MSRA: variants seen among roughly 807,000 people sequenced by gnomAD.
The protein encoded by MSRA is mitochondrial peptide methionine sulfoxide reductase.
A neutral mutation model predicts 31.3 loss-of-function variants in MSRA; 54 were observed. The ratio of observed to expected loss-of-function variants is 1.73; its 90% CI spans 1.39 to 2.17. The LOEUF (loss-of-function observed/expected upper bound fraction) is 2.17. Among genes scored for constraint, MSRA ranks in the 30% most tolerant of loss-of-function variants. The pLI, the probability that MSRA is intolerant of heterozygous loss-of-function variation, is 0.00. For synonymous variants in MSRA, 169 were observed against 116.5 expected (o/e 1.45, Z -2.90); for missense variants, 507 against 300.9 (o/e 1.69, Z -5.07).
At chr8:10,089,305 A>G (rs2128926676) in intron 1 of MSRA, among the ~76,000 whole-genome samples, 1 of 152,352 alleles carries the variant, frequency 6.6e-6, no homozygotes, top group Non-Finnish European at 1.5e-5. Context: ...GCCTTAAAAG[A>G]ACAAAAGAAC....
intron 1 of MSRA, among the ~76,000 whole-genome samples, chr8:10,182,865 C>T (rs1469687096): frequency 6.6e-6 from 1 of 152,166 alleles, no homozygotes; most frequent in Non-Finnish European, 1.5e-5. Context: ...TCAGTGTTGC[C>T]ATGTTCTATT....
chr8:10,359,451 G>C (rs1804708502), intron 5 of MSRA, among the ~76,000 whole-genome samples: 1 of 151,982 alleles, frequency 6.6e-6, no homozygotes, highest in East Asian at 1.9e-4. Flanking sequence ...AAGGCCTTTA[G>C]TTCATTTTAA....
At chr8:10,126,145 G>A (rs1801480844) in intron 1 of MSRA, among the ~76,000 whole-genome samples, 2 of 152,156 alleles carry the variant, frequency 1.3e-5, no homozygotes, top group East Asian at 3.9e-4. Flanking sequence ...TTAATACATT[G>A]TAACTAACAC....
chr8:10,366,627 C>T (rs1420803029), intron 5 of MSRA, among the ~76,000 whole-genome samples: 1 of 152,210 alleles, frequency 6.6e-6, no homozygotes, highest in East Asian at 1.9e-4. Flanking sequence ...CCCCCAGCAC[C>T]ATCCCTGCTC....
intron 5 of MSRA, among the ~76,000 whole-genome samples, chr8:10,388,589 A>C (rs868150801): frequency 6.6e-6 from 1 of 152,154 alleles, no homozygotes; most frequent in African/African-American, 2.4e-5. Flanking sequence ...TCTGATGCTA[A>C]ACCTGAAGCT....
intron 2 of MSRA, among the ~76,000 whole-genome samples, chr8:10,238,610 A>T (rs994200186): frequency 6.6e-6 from 1 of 152,340 alleles, no homozygotes; most frequent in South Asian, 2.1e-4. Context: ...CAGAAACGGG[A>T]CTACTTACAA....
intron 5 of MSRA, among the ~76,000 whole-genome samples, chr8:10,323,947 C>T (rs1315608923): frequency 6.6e-6 from 1 of 152,196 alleles, no homozygotes; most frequent in Non-Finnish European, 1.5e-5. Flanking sequence ...GGGACAAATG[C>T]TGTCATATCT....
chr8:10,237,057 T>C (rs1812005205), intron 2 of MSRA, among the ~76,000 whole-genome samples: 1 of 152,182 alleles, frequency 6.6e-6, no homozygotes, highest in African/African-American at 2.4e-5. Context: ...GGCTCTAGAA[T>C]AAAATATGAG....
Position 10,238,069 on chromosome 8 carries a change from A to C in MSRA, c.212-7035A>C, listed in dbSNP as rs999446884. ...TAACCATCCCACAAGGTCCTACACTATCTGGCTTATCTGATCTTTGTCCTG... is the reference window on the plus strand; with the variant it reads ...TAACCATCCCACAAGGTCCTACACTCTCTGGCTTATCTGATCTTTGTCCTG... On this transcript the variant is annotated intron_variant, in intron 2 of 5. Coordinates refer to ENST00000317173, the MANE Select transcript of MSRA (RefSeq NM_012331.5). Among the ~76,000 whole-genome samples the C allele has an allele frequency of 4.6e-5, 7 of 152,186 alleles. 1 individual carries two copies. The highest frequency in any genetic ancestry group is 7.3e-5 in the Non-Finnish European group (5 of 68,044).
At position 10,054,388 on chromosome 8, in the gene MSRA, C is replaced by T. The variant is rs888115979; in HGVS notation, c.-129C>T. The stretch of plus-strand genomic sequence containing the variant: ...GCCTCCAGCCCCGCCAGCAGCGCCC[C>T]GCGCCCGCCCGCCCGCGCCCCTGCC... On this transcript the variant is annotated 5_prime_UTR_variant, in exon 1 of 6. Coordinates refer to ENST00000317173, the MANE Select transcript of MSRA (RefSeq NM_012331.5). 19 of 773,608 alleles carry T rather than the reference C, an allele frequency of 2.5e-5. No individual in the cohort carries two copies. The African/African-American group carries it at 3.5e-4, about 14-fold the overall frequency. The allele number at this position is 773,608 out of a possible 1,614,324, so 47.9% of individuals were successfully genotyped here. A position where few individuals can be genotyped will look rare whatever the true frequency, so the allele number is the denominator to read the frequency against.
rs553319064 is a variant in MSRA, at chr8:10,078,560, T to A, written c.142+23902T>A. 1.2e-4 allele frequency among the ~76,000 whole-genome samples: 18 copies of A among 152,320 alleles called. No homozygotes were observed. The South Asian group carries it at 3.7e-3, about 32-fold the overall frequency. On this transcript the variant is annotated intron_variant, in intron 1 of 5. Coordinates refer to ENST00000317173, the MANE Select transcript of MSRA (RefSeq NM_012331.5). The stretch of plus-strand genomic sequence containing the variant: ...CTGCTTCCTGCAGCTTGTGTGCCTG[T>A]TTTCCAGAGATGGGAGCTGTAAACT...
intron 5 of MSRA, among the ~76,000 whole-genome samples, chr8:10,350,764 C>T (rs1486337290): frequency 6.6e-6 from 1 of 152,222 alleles, no homozygotes; most frequent in Non-Finnish European, 1.5e-5. Flanking sequence ...GACCGAGCCC[C>T]CAGCCGACTT....
At chr8:10,085,605 A>G (rs1798519630) in intron 1 of MSRA, among the ~76,000 whole-genome samples, 1 of 152,184 alleles carries the variant, frequency 6.6e-6, no homozygotes, top group African/African-American at 2.4e-5. Context: ...TTGAGGTATC[A>G]TTTATGTACC....
chr8:10,309,400 G>A (rs1010844230), intron 4 of MSRA, among the ~76,000 whole-genome samples: 2 of 152,196 alleles, frequency 1.3e-5, no homozygotes, highest in Non-Finnish European at 2.9e-5. Flanking sequence ...CCTGTGGAAG[G>A]GCCGTTTCCA....
chr8:10,100,868 T>G (rs1799489014), intron 1 of MSRA, among the ~76,000 whole-genome samples: 1 of 152,214 alleles, frequency 6.6e-6, no homozygotes, highest in South Asian at 2.1e-4. Flanking sequence ...AGAATACCCC[T>G]TATGTGTGGA....
intron 1 of MSRA, among the ~76,000 whole-genome samples, chr8:10,199,252 G>A (rs1808274263): frequency 6.6e-6 from 1 of 152,154 alleles, no homozygotes; most frequent in African/African-American, 2.4e-5. Flanking sequence ...ACAGTCTGCA[G>A]TCTCAGGGAA....
At chr8:10,349,516 G>A (rs1005859536) in intron 5 of MSRA, among the ~76,000 whole-genome samples, 1 of 152,110 alleles carries the variant, frequency 6.6e-6, no homozygotes, top group Non-Finnish European at 1.5e-5. Flanking sequence ...CTTCCGCATG[G>A]CATCTTGCAC....
intron 5 of MSRA, among the ~76,000 whole-genome samples, chr8:10,339,995 C>T (rs558254105): frequency 6.6e-6 from 1 of 152,318 alleles, no homozygotes; most frequent in South Asian, 2.1e-4. Context: ...GGCAGCTGCC[C>T]TAGCTGCCTT....
rs182539107 is a variant in MSRA at position 10,334,861 on chromosome 8, C to A, written c.543+14872C>A. ...TAACTCCAGCGCGCCACCCCTCCCC[C>A]GCTCTGGCCGCTCCCGTCTGCCCCG... On this transcript the variant is annotated intron_variant, in intron 5 of 5. Coordinates refer to ENST00000317173, the MANE Select transcript of MSRA (RefSeq NM_012331.5). Among the ~76,000 whole-genome samples, 953 of 152,384 alleles carry A rather than the reference C, an allele frequency of 6.3e-3. 7 individuals carry two copies. The highest frequency in any genetic ancestry group is 0.027 in the Middle Eastern group (8 of 294).
Sources: allele counts gnomAD v4.1 joint callset (sites outside exome capture counted in the v4.1 genomes callset), GRCh38; gene constraint gnomAD v4.1.1; transcripts MANE v1.5; gene names NCBI Gene and HGNC (gene_info 2026-07-23, HGNC 2026-07-21).